Variants in LINGO2 observed in about 807,000 individuals in gnomAD.
LINGO2 encodes the protein leucine-rich repeat and immunoglobulin-like domain-containing nogo receptor-interacting protein 2.
LINGO2 carries 14 observed loss-of-function variants against 30.6 expected under a neutral mutation model. The ratio of observed to expected loss-of-function variants is 0.46; its 90% CI spans 0.30 to 0.72. The LOEUF (loss-of-function observed/expected upper bound fraction) is 0.72, where lower values mean the gene tolerates loss of function less well. Among genes scored for constraint, LINGO2 ranks in the 30% least tolerant of loss-of-function variants. LINGO2 has a pLI of 0.07. For missense variants in LINGO2, 729 were observed against 751.7 expected, an observed-to-expected ratio of 0.97 and a Z score of 0.35; for synonymous variants, 317 against 288.5, an observed-to-expected ratio of 1.10 and a Z score of -1.00.
At chr9:28,675,771 T>A in the LINGO2 span, among the ~76,000 whole-genome samples, 1 of 150,728 alleles carries the variant, frequency 6.6e-6, no homozygotes, top group Admixed American at 6.6e-5. Context: ...CTCGGGAGGC[T>A]GAGGCAGGAG....
At chr9:28,723,003 C>T in the LINGO2 span, among the ~76,000 whole-genome samples, 2 of 152,108 alleles carry the variant, frequency 1.3e-5, no homozygotes, top group African/African-American at 4.8e-5. Flanking sequence ...TGGACCCCAC[C>T]TGAAACAATT....
chr9:28,058,429 C>A (rs887052690), intron 4 of LINGO2, among the ~76,000 whole-genome samples: 3 of 152,198 alleles, frequency 2.0e-5, no homozygotes, highest in African/African-American at 7.2e-5. Flanking sequence ...GTGAGTGCTA[C>A]AATACATAGG....
the LINGO2 span, among the ~76,000 whole-genome samples, chr9:29,009,412 A>T: frequency 6.6e-6 from 1 of 152,194 alleles, no homozygotes. Flanking sequence ...CCAAATCATG[A>T]GTGAACTCCC....
At chr9:28,074,995 A>G (rs556569716) in intron 4 of LINGO2, among the ~76,000 whole-genome samples, 9 of 151,400 alleles carry the variant, frequency 5.9e-5, no homozygotes, top group Middle Eastern at 6.9e-3. Flanking sequence ...TATAAAATAT[A>G]TGAAAAATGC....
the LINGO2 span, among the ~76,000 whole-genome samples, chr9:28,804,183 G>A: frequency 6.6e-6 from 1 of 152,016 alleles, no homozygotes; most frequent in Non-Finnish European, 1.5e-5. Context: ...GAAAATGTGG[G>A]TATTTGAGAA....
the LINGO2 span, among the ~76,000 whole-genome samples, chr9:28,881,391 T>A: frequency 6.6e-6 from 1 of 152,164 alleles, no homozygotes; most frequent in Non-Finnish European, 1.5e-5. Context: ...CCCAAAGTGC[T>A]GGAATTATAG....
chr9:28,153,834 G>T (rs1023373904), intron 4 of LINGO2, among the ~76,000 whole-genome samples: 1 of 151,964 alleles, frequency 6.6e-6, no homozygotes, highest in Admixed American at 6.6e-5. Context: ...CAGTACAGAT[G>T]GGGGGGATAC....
intron 4 of LINGO2, among the ~76,000 whole-genome samples, chr9:28,079,577 T>C (rs892059424): frequency 2.6e-5 from 4 of 152,230 alleles, no homozygotes; most frequent in Non-Finnish European, 5.9e-5. Flanking sequence ...TTTTTAGATC[T>C]CCTCTGCTGC....
At chr9:28,908,249 T>C in the LINGO2 span, among the ~76,000 whole-genome samples, 1 of 151,742 alleles carries the variant, frequency 6.6e-6, no homozygotes, top group East Asian at 1.9e-4. Flanking sequence ...CTGAATGATA[T>C]ATAACTAAGT....
chr9:29,010,692 A>T, the LINGO2 span, among the ~76,000 whole-genome samples: 2 of 152,020 alleles, frequency 1.3e-5, no homozygotes, highest in Non-Finnish European at 2.9e-5. Context: ...GAATTAGATA[A>T]TTTTTTCTTG....
intron 2 of LINGO2, among the ~76,000 whole-genome samples, chr9:28,385,651 T>G (rs920920658): frequency 6.6e-6 from 1 of 152,142 alleles, no homozygotes; most frequent in African/African-American, 2.4e-5. Context: ...AAACTTGCCC[T>G]GGAAGTCTCA....
the LINGO2 span, among the ~76,000 whole-genome samples, chr9:28,843,538 C>T: frequency 1.3e-5 from 2 of 151,662 alleles, no homozygotes; most frequent in Non-Finnish European, 2.9e-5. Flanking sequence ...GGACACAAGA[C>T]AGAGACATAT....
chr9:28,849,297 A>C, the LINGO2 span, among the ~76,000 whole-genome samples: 18 of 152,112 alleles, frequency 1.2e-4, no homozygotes, highest in African/African-American at 4.3e-4. Context: ...GTAAGTCCCT[A>C]GTACAACGCT....
the LINGO2 span, among the ~76,000 whole-genome samples, chr9:29,034,780 T>C: frequency 6.6e-6 from 1 of 152,332 alleles, no homozygotes; most frequent in African/African-American, 2.4e-5. Flanking sequence ...TCTCTGTGTA[T>C]AGTGACCCTG....
At chr9:29,014,536 T>G in the LINGO2 span, among the ~76,000 whole-genome samples, 4 of 152,114 alleles carry the variant, frequency 2.6e-5, no homozygotes, top group East Asian at 7.7e-4. Context: ...GAAAAAAAAC[T>G]TAGATAAAGG....
intron 1 of LINGO2, among the ~76,000 whole-genome samples, chr9:28,565,567 T>A (rs1294364985): frequency 2.1e-5 from 3 of 146,088 alleles, no homozygotes; most frequent in African/African-American, 7.6e-5. Flanking sequence ...GAATTATTTT[T>A]TTGAGACGGA....
At chr9:28,486,685 G>A (rs1826177977) in intron 1 of LINGO2, among the ~76,000 whole-genome samples, 1 of 147,970 alleles carries the variant, frequency 6.8e-6, no homozygotes, top group Non-Finnish European at 1.5e-5. Flanking sequence ...CGTTCTATGA[G>A]GCCTCCAAAC....
the LINGO2 span, among the ~76,000 whole-genome samples, chr9:29,006,302 C>T: frequency 2.0e-5 from 3 of 151,800 alleles, no homozygotes; most frequent in East Asian, 1.9e-4. Context: ...AAAAAGAACA[C>T]GGCCAGAGAA....
the LINGO2 span, among the ~76,000 whole-genome samples, chr9:28,816,322 G>A: frequency 6.6e-6 from 1 of 152,102 alleles, no homozygotes; most frequent in African/African-American, 2.4e-5. Context: ...TTTTGCCAGG[G>A]GCAGCAGCCT....
Sources: gnomAD v4.1 joint callset for allele counts (sites outside exome capture counted in the v4.1 genomes callset) on GRCh38, gnomAD v4.1.1 for gene constraint, MANE v1.5 for transcripts, NCBI Gene and HGNC (gene_info 2026-07-23, HGNC 2026-07-21) for gene names.